Variants in HUS1 observed in about 807,000 individuals in gnomAD.
The protein encoded by HUS1 is HUS1 checkpoint clamp component, also known as checkpoint protein HUS1.
Under a neutral mutation model 32.6 loss-of-function variants are expected in HUS1, and 31 were observed. That is an observed-to-expected ratio of 0.95 (90% CI 0.72 to 1.28). HUS1 has a LOEUF of 1.28. Among genes scored for constraint, HUS1 ranks in the 50% most tolerant of loss-of-function variants. The probability of loss-of-function intolerance (pLI) is 0.00; values close to 1 mark genes in which losing one functional copy is unlikely to be tolerated. For synonymous variants in HUS1, 123 were observed against 116.6 expected (o/e 1.06, Z -0.36); for missense variants, 340 against 337.7 (o/e 1.01, Z -0.05).
At chr7:47,977,094 T>C (rs1383440661) in intron 3 of HUS1, among the ~76,000 whole-genome samples, 2 of 151,788 alleles carry the variant, frequency 1.3e-5, no homozygotes, top group Non-Finnish European at 2.9e-5. Context: ...AACAGATCAA[T>C]AAAAATGCAA....
Position 47,979,478 on chromosome 7 carries a change from G to A in HUS1, c.42C>T (p.Asn14=). The A allele has an allele frequency of 6.2e-7, 1 of 1,613,428 alleles. No individual in the cohort carries two copies. Among genetic ancestry groups the A allele is most frequent in the Non-Finnish European group, 8.5e-7 (1 of 1,179,924 alleles). ...RAKIVDGACL[N]HFTRISNMIA... is the part of the protein sequence containing the mutation. ...GGCCTCCCTGCTCACGTGTGAAGTG[G>A]TTCAGACAGGCCCCGTCCACGATCT... The change falls in exon 1 of 8, where the codon AAC becomes AAT. Residue 14 remains asparagine (N), a synonymous_variant. Coordinates refer to ENST00000258774, the MANE Select transcript of HUS1 (RefSeq NM_004507.4).
Position 47,978,450 on chromosome 7 carries a change from T to C in HUS1, c.324A>G (p.Lys108=), listed in dbSNP as rs748030328. ...ARALKIKLTN[K]HFPCLTVSVE... is the part of the protein sequence containing the mutation. ...CGGAGACCGTGAGGCAGGGAAAGTG[T>C]TTATTAGTCAGTTTGATTTTCAAAG... The change falls in exon 3 of 8, where the codon AAA becomes AAG. Residue 108 remains lysine (K), a synonymous_variant. Transcript: ENST00000258774. 5.6e-6 allele frequency: 9 copies of C among 1,614,076 alleles called. No homozygotes were observed. The highest frequency in any genetic ancestry group is 2.7e-5 in the African/African-American group (2 of 74,926).
chr7:47,978,811 T>C lies in HUS1; in HGVS notation c.58A>G (p.Ser20Gly). ...TTGGCAAGCTTGGCTATCATGTTAC[T>C]GATTCCTAAAGCAGGGGTTAAAATA... ...GACLNHFTRI[S>G]NMIAKLAKTC... Residue 20 changes from serine to glycine, a missense_variant, in exon 2 of 8, where the codon AGT becomes GGT. Ser to Gly is a moderately conservative substitution (Grantham distance 56). Transcript: ENST00000258774. 1 of 1,613,970 alleles carries C rather than the reference T, an allele frequency of 6.2e-7. No homozygotes were observed. Among genetic ancestry groups the C allele is most frequent in the Non-Finnish European group, 8.5e-7 (1 of 1,179,966 alleles).
At position 47,979,474 on chromosome 7, in the gene HUS1, A is replaced by G; in HGVS notation, c.46T>C (p.Phe16Leu). 1 of 1,613,270 alleles carries G rather than the reference A, an allele frequency of 6.2e-7. No individual in the cohort carries two copies. The highest frequency in any genetic ancestry group is 8.5e-7 in the Non-Finnish European group (1 of 1,179,870). ...CTCCGGCCTCCCTGCTCACGTGTGA[A>G]GTGGTTCAGACAGGCCCCGTCCACG... ...KIVDGACLNH[F>L]TRISNMIAKL... Residue 16 changes from phenylalanine (F) to leucine (L), a missense_variant, in exon 1 of 8, where the codon TTC (phenylalanine) becomes CTC (leucine). Physicochemically the swap from Phe to Leu is conservative, Grantham distance 22 (BLOSUM62 0). Coordinates refer to ENST00000258774, the MANE Select transcript of HUS1 (RefSeq NM_004507.4).
chr7:47,972,635 G>A (rs1260523475), intron 5 of HUS1, among the ~76,000 whole-genome samples: 1 of 144,568 alleles, frequency 6.9e-6, no homozygotes, highest in East Asian at 2.0e-4. Context: ...TGGGCACCTA[G>A]TAAAAATTAT....
At chr7:47,975,567 C>G in intron 5 of HUS1, 46 bp downstream of exon 5, 1 of 1,292,494 alleles carries the variant, frequency 7.7e-7, no homozygotes, top group Non-Finnish European at 1.1e-6. Context: ...CCCACGCCGT[C>G]CCACCAAATA....
chr7:47,966,124 A>T (rs1788472571), intron 7 of HUS1, among the ~76,000 whole-genome samples: 1 of 50,854 alleles, frequency 2.0e-5, no homozygotes, highest in Non-Finnish European at 3.3e-5. Context: ...AGGACCAGAA[A>T]GGACAAGCAG....
At chr7:47,977,952 A>G (rs2708859) in intron 3 of HUS1, among the ~76,000 whole-genome samples, 69,729 of 151,632 alleles carry the variant, frequency 0.46, 16,684 homozygotes, top group East Asian at 0.53. Context: ...GATTGTATGT[A>G]TGCGCATGAG....
chr7:47,979,299 CTCCCGG>C, intron 1 of HUS1, 163 bp downstream of exon 1: 1 of 413,196 alleles, frequency 2.4e-6, no homozygotes, highest in Non-Finnish European at 4.5e-6. Context: ...GCCCCGCGCC[CTCCCGG>C]CCCCACCCTC....
chr7:47,971,356 C>A (rs1788596294), intron 5 of HUS1: 1 of 382,050 alleles, frequency 2.6e-6, no homozygotes, highest in East Asian at 7.9e-5. Context: ...CACGCCCAGG[C>A]TACCAGACTT....
intron 3 of HUS1, 133 bp downstream of exon 3, chr7:47,978,284 A>G: frequency 1.3e-6 from 1 of 750,352 alleles, no homozygotes; most frequent in Non-Finnish European, 2.2e-6. Flanking sequence ...AAATATAGTT[A>G]TGGACCAGAT....
At chr7:47,974,957 C>A (rs1788669951) in intron 5 of HUS1, among the ~76,000 whole-genome samples, 1 of 152,194 alleles carries the variant, frequency 6.6e-6, no homozygotes, top group Non-Finnish European at 1.5e-5. Context: ...CAGGAAACTC[C>A]AAACTCACTG....
chr7:47,968,043 G>T, intron 6 of HUS1, 118 bp from the exon 7 acceptor site: 1 of 1,012,258 alleles, frequency 9.9e-7, no homozygotes, highest in South Asian at 1.9e-5. Context: ...TTAGCATCCT[G>T]AAGAAATATT....
intron 4 of HUS1, chr7:47,976,174 AGT>A (rs1788700153): frequency 2.8e-6 from 1 of 353,352 alleles, no homozygotes; most frequent in Non-Finnish European, 5.6e-6. Flanking sequence ...TTTCAAAATC[AGT>A]GTAGGTGCCA....
At position 47,978,723 on chromosome 7, in the gene HUS1, T is replaced by A; in HGVS notation, c.146A>T (p.Asn49Ile). Residue 49 changes from asparagine (N) to isoleucine (I), a missense_variant, in exon 2 of 8, where the codon AAT becomes ATT. By Grantham distance (149) the Asn-to-Ile change is moderately radical. Transcript: ENST00000258774. ...LNFILCDKLANGGVSMWCELE... is the reference protein window; with the variant it reads ...LNFILCDKLAIGGVSMWCELE... ...CTCACACCACATGCTCACTCCTCCA[T>A]TAGCCAGCTTGTCACAAAGGATGAA... is the stretch of plus-strand genomic sequence containing the variant. 2.5e-6 allele frequency: 4 copies of A among 1,614,232 alleles called. No individual in the cohort carries two copies. Among genetic ancestry groups the A allele is most frequent in the Non-Finnish European group, 3.4e-6 (4 of 1,180,038 alleles).
chr7:47,975,644 A>AC lies in HUS1; in HGVS notation c.508dup (p.Val170GlyfsTer14). On this transcript the variant is annotated frameshift_variant, in exon 5 of 8. Coordinates refer to ENST00000258774, the MANE Select transcript of HUS1 (RefSeq NM_004507.4). LOFTEE classifies it high-confidence loss of function. ...ATTGCTGATGTTTTTCATTTTTTCC[A>AC]CAACACTCTTCATAGTCTTCAAGAC... The AC allele has an allele frequency of 6.2e-7, 1 of 1,606,654 alleles. No individual in the cohort carries two copies. The highest frequency in any genetic ancestry group is 8.5e-7 in the Non-Finnish European group (1 of 1,173,814).
chr7:47,968,296 C>A (rs912925951), intron 6 of HUS1, among the ~76,000 whole-genome samples: 1 of 151,996 alleles, frequency 6.6e-6, no homozygotes, highest in Non-Finnish European at 1.5e-5. Context: ...AACATCCTTT[C>A]TACCTCTGAG....
chr7:47,971,903 T>C (rs1209170402), intron 5 of HUS1, among the ~76,000 whole-genome samples: 1 of 152,250 alleles, frequency 6.6e-6, no homozygotes, highest in Non-Finnish European at 1.5e-5. Context: ...TGAATAGTTT[T>C]CATTCCAGAA....
rs902214209 is a variant in HUS1 at position 47,965,116 on chromosome 7, T to C, written c.*240A>G. 1.7e-5 allele frequency: 6 copies of C among 362,414 alleles called. No individual in the cohort carries two copies. In the Admixed American group the frequency reaches 2.4e-4, roughly 15 times the overall value. 22.4% of individuals were successfully genotyped at this position (362,414 alleles called of 1,614,324 possible). On this transcript the variant is annotated 3_prime_UTR_variant, in exon 8 of 8. Coordinates refer to ENST00000258774, the MANE Select transcript of HUS1 (RefSeq NM_004507.4). Reference sequence around the variant, plus strand: ...CTTTAAAGTCTGAATAAATAAATTCTAGCTTTTCTTTTCAGTGTCTTAAAA... The same window carrying C: ...CTTTAAAGTCTGAATAAATAAATTCCAGCTTTTCTTTTCAGTGTCTTAAAA...
Sources: allele counts gnomAD v4.1 joint callset (sites outside exome capture counted in the v4.1 genomes callset), GRCh38; gene constraint gnomAD v4.1.1; transcripts MANE v1.5; gene names NCBI Gene and HGNC (gene_info 2026-07-23, HGNC 2026-07-21).